The following CTDP1 variants were observed in gnomAD, a reference collection of about 807,000 sequenced individuals.
CTDP1 encodes the protein CTD phosphatase 1.
A neutral mutation model predicts 91.8 loss-of-function variants in CTDP1; 47 were observed. That is an observed-to-expected ratio of 0.51 (90% CI 0.41 to 0.65). The LOEUF (loss-of-function observed/expected upper bound fraction) is 0.65. CTDP1 is among the 30% of genes least tolerant of loss of function. The probability of loss-of-function intolerance (pLI) is 0.00; values close to 1 mark genes in which losing one functional copy is unlikely to be tolerated. For synonymous variants in CTDP1, 656 were observed against 598.5 expected, an observed-to-expected ratio of 1.10 and a Z score of -1.40; for missense variants, 1,272 against 1,373.7, an observed-to-expected ratio of 0.93 and a Z score of 1.17.
At chr18:79,748,488 C>A (rs1182578603) in intron 12 of CTDP1, among the ~76,000 whole-genome samples, 1 of 152,246 alleles carries the variant, frequency 6.6e-6, no homozygotes, top group African/African-American at 2.4e-5. Flanking sequence ...AGCCCTGACC[C>A]TGTCTCCCGA....
At chr18:79,680,623 T>G (rs1433697232) in intron 1 of CTDP1, among the ~76,000 whole-genome samples, 1 of 152,264 alleles carries the variant, frequency 6.6e-6, no homozygotes, top group Non-Finnish European at 1.5e-5. Flanking sequence ...TCAGGCAGGC[T>G]CCAGACCTGT....
At position 79,680,042 on chromosome 18, in the gene CTDP1, T is replaced by A; in HGVS notation, c.95T>A (p.Leu32Gln). 1.6e-6 allele frequency: 2 copies of A among 1,258,578 alleles called. No individual in the cohort carries two copies. The highest frequency in any genetic ancestry group is 2.0e-6 in the Non-Finnish European group (2 of 1,006,084). The allele number at this position is 1,258,578 out of a possible 1,614,324, so 78.0% of individuals were successfully genotyped here. The change falls in exon 1 of 13, where the codon CTG becomes CAG. Residue 32 changes from leucine to glutamine, a missense_variant. This residue lies in a region of CTDP1 where 214 missense variants were observed against 179.1 expected (regional missense o/e 1.19). Transcript: ENST00000613122. The part of the protein sequence containing the change: ...VRCPGPAPLR[L>Q]LEWRVAAGAA... ...TGCCCGGGGCCCGCGCCGCTGCGCC[T>A]GCTGGAGTGGAGGGTGGCGGCGGGC...
intron 12 of CTDP1, among the ~76,000 whole-genome samples, chr18:79,740,784 A>G (rs2086760306): frequency 6.6e-6 from 1 of 152,218 alleles, no homozygotes; most frequent in Non-Finnish European, 1.5e-5. Flanking sequence ...AAGTCAACAA[A>G]CATCAGATGC....
intron 12 of CTDP1, among the ~76,000 whole-genome samples, chr18:79,738,939 G>A (rs1568215014): frequency 6.6e-6 from 1 of 152,236 alleles, no homozygotes; most frequent in Admixed American, 6.5e-5. Context: ...ATGAATTACG[G>A]GGTGGTTTTG....
chr18:79,679,549 C>G (rs1270819550), upstream of CTDP1: 2 of 460,606 alleles, frequency 4.3e-6, no homozygotes, highest in Non-Finnish European at 8.7e-6. Context: ...GCGGTGCACG[C>G]CGGGATACGT....
Position 79,736,368 on chromosome 18 carries a change from T to C in CTDP1, c.2594T>C (p.Leu865Pro). The part of the protein sequence containing the change: ...ESMDKEVDDI[L>P]GEGSDDSDSE... ...GCTGTTTGTCAGGTGGACGACATCC[T>C]TGGAGAAGGCAGCGACGACAGCGAC... Residue 865 changes from leucine to proline, a missense_variant, in exon 12 of 13, where the codon CTT (leucine) becomes CCT (proline). Leu to Pro is a moderately conservative substitution (Grantham distance 98). This residue lies in a region of CTDP1 where 881 missense variants were observed against 911.6 expected (regional missense o/e 0.97). Transcript: ENST00000613122. 1 of 1,549,182 alleles carries C rather than the reference T, an allele frequency of 6.5e-7. No homozygotes were observed. Among genetic ancestry groups the C allele is most frequent in the Non-Finnish European group, 8.7e-7 (1 of 1,146,974 alleles).
chr18:79,715,741 G>T (rs1489287019), intron 8 of CTDP1, among the ~76,000 whole-genome samples: 1 of 152,256 alleles, frequency 6.6e-6, no homozygotes, highest in Non-Finnish European at 1.5e-5. Context: ...ACACCATTCA[G>T]GGGTGGGAGT....
intron 4 of CTDP1, among the ~76,000 whole-genome samples, chr18:79,699,122 G>T (rs1940954382): frequency 6.6e-6 from 1 of 152,178 alleles, no homozygotes; most frequent in Non-Finnish European, 1.5e-5. Context: ...CCACAAAACA[G>T]CTTCTATTTC....
intron 12 of CTDP1, among the ~76,000 whole-genome samples, chr18:79,740,331 G>A (rs1316163378): frequency 6.6e-6 from 1 of 152,246 alleles, no homozygotes; most frequent in East Asian, 1.9e-4. Flanking sequence ...GGGCGGTGGG[G>A]TCTTTTCAGC....
chr18:79,735,567 C>G (rs1568212544), intron 11 of CTDP1: 1 of 152,524 alleles, frequency 6.6e-6, no homozygotes, highest in Non-Finnish European at 1.5e-5. Flanking sequence ...TCTGTGCGTC[C>G]TTCTCCCATC....
At chr18:79,716,705 C>G (rs2086216233) in intron 8 of CTDP1, among the ~76,000 whole-genome samples, 1 of 152,246 alleles carries the variant, frequency 6.6e-6, no homozygotes, top group Non-Finnish European at 1.5e-5. Flanking sequence ...GCCCGCCTGC[C>G]CTGTCCTGTG....
rs779821325 is a variant in CTDP1, at chr18:79,717,880, G to T, written c.2281G>T (p.Val761Phe). ...CACCGCCTTGTTCCACCCGATGCCG[G>T]TTCTTCCCAAGGCCCAGCCTGGCCC... is the stretch of plus-strand genomic sequence containing the variant. ...PPTALFHPMP[V>F]LPKAQPGPEV... Residue 761 changes from valine to phenylalanine, a missense_variant, in exon 10 of 13, where the codon GTT (valine) becomes TTT (phenylalanine). Transcript: ENST00000613122. 2.5e-6 allele frequency: 4 copies of T among 1,613,462 alleles called. No homozygotes were observed. The highest frequency in any genetic ancestry group is 3.4e-6 in the Non-Finnish European group (4 of 1,180,008).
At chr18:79,704,631 G>A (rs2085928635) in intron 4 of CTDP1, 136 bp from the exon 5 acceptor site, 2 of 1,176,408 alleles carry the variant, frequency 1.7e-6, no homozygotes, top group Non-Finnish European at 1.2e-6. Flanking sequence ...ACGCCTGTCG[G>A]GCACACGCGT....
At chr18:79,682,763 C>T (rs1159549643) in intron 1 of CTDP1, among the ~76,000 whole-genome samples, 1 of 152,102 alleles carries the variant, frequency 6.6e-6, no homozygotes, top group Non-Finnish European at 1.5e-5. Flanking sequence ...GTCCTGCAGC[C>T]CGTCCCCCGT....
rs543333401 is a variant in CTDP1 at position 79,695,872 on chromosome 18, G to C, written c.399-105G>C. On this transcript the variant is annotated intron_variant, in intron 2 of 12. Transcript: ENST00000613122. ...ATCAAGTCTGTGCTAAGATAGCAGC[G>C]TGTGTCCGTTAAAACATCAGCTAGA... The C allele has an allele frequency of 4.5e-6, 4 of 888,516 alleles. No individual in the cohort carries two copies. The Admixed American group carries it at 7.2e-5, about 16-fold the overall frequency. The allele number at this position is 888,516 out of a possible 1,614,324, so 55.0% of individuals were successfully genotyped here. A position where few individuals can be genotyped will look rare whatever the true frequency, so the allele number is the denominator to read the frequency against.
intron 11 of CTDP1, among the ~76,000 whole-genome samples, chr18:79,734,526 G>T (rs2086628472): frequency 6.6e-6 from 1 of 151,062 alleles, no homozygotes; most frequent in African/African-American, 2.5e-5. Flanking sequence ...GCACGTGCCG[G>T]GCTGCCCTGC....
chr18:79,694,920 T>G, intron 1 of CTDP1, among the ~76,000 whole-genome samples: 1 of 152,200 alleles, frequency 6.6e-6, no homozygotes, highest in Non-Finnish European at 1.5e-5. Context: ...GAGACAACTT[T>G]ATGTTATCCC....
chr18:79,721,915 C>T (rs1347690917), intron 10 of CTDP1, among the ~76,000 whole-genome samples: 2 of 151,900 alleles, frequency 1.3e-5, no homozygotes, highest in East Asian at 3.9e-4. Context: ...CCTCCGCCTC[C>T]CAGGTTCAAG....
intron 12 of CTDP1, among the ~76,000 whole-genome samples, chr18:79,748,259 C>CAAAA (rs2086919970): frequency 1.3e-5 from 2 of 152,218 alleles, no homozygotes; most frequent in Admixed American, 1.3e-4. Context: ...TCCCATGCTC[C>CAAAA]AAACATCGTT....
Sources: gnomAD v4.1 joint callset for allele counts (sites outside exome capture counted in the v4.1 genomes callset) on GRCh38, gnomAD v4.1.1 for gene constraint, gnomAD v4.1.1 regional missense constraint, MANE v1.5 for transcripts, NCBI Gene and HGNC (gene_info 2026-07-23, HGNC 2026-07-21) for gene names.